NR1H3: variants seen among roughly 807,000 people sequenced by gnomAD.
The protein encoded by NR1H3 is nuclear receptor subfamily 1 group H member 3.
Under a neutral mutation model 48.1 loss-of-function variants are expected in NR1H3, and 19 were observed. That is an observed-to-expected ratio of 0.40 (90% confidence interval 0.28 to 0.58). NR1H3 has a LOEUF of 0.58. NR1H3 is among the 20% of genes least tolerant of loss of function. The pLI is 0.50. For synonymous variants in NR1H3, 232 were observed against 227.3 expected (o/e 1.02, Z -0.19); for missense variants, 486 against 595.9 (o/e 0.82, Z 1.92).
chr11:47,254,176 G>A (rs895318272), upstream of NR1H3, among the ~76,000 whole-genome samples: 1 of 152,194 alleles, frequency 6.6e-6, no homozygotes, highest in Non-Finnish European at 1.5e-5. Flanking sequence ...GATGGGGCTC[G>A]TATGTGGTCC....
At chr11:47,260,748 G>A in intron 4 of NR1H3, 73 bp downstream of exon 4, 7 of 1,493,864 alleles carry the variant, frequency 4.7e-6, no homozygotes, top group Non-Finnish European at 5.4e-6. Flanking sequence ...CAAAACAGGT[G>A]CCTGAACTTG....
At position 47,268,311 on chromosome 11, in the gene NR1H3, T is replaced by G; in HGVS notation, c.1153T>G (p.Tyr385Asp). Residue 385 changes from tyrosine to aspartate, a missense_variant, in exon 9 of 10, where the codon TAT (tyrosine) becomes GAT (aspartate). Tyr to Asp is a radical substitution (Grantham distance 160). Transcript: ENST00000441012. ...CCAGGTAGAGAGGCTGCAGCACACA[T>G]ATGTGGAAGCCCTGCATGCCTACGT... is the stretch of plus-strand genomic sequence containing the variant. ...QLQVERLQHT[Y>D]VEALHAYVSI... is the part of the protein sequence containing the mutation. The G allele has an allele frequency of 1.2e-6, 2 of 1,614,072 alleles. No individual in the cohort carries two copies. Among genetic ancestry groups the G allele is most frequent in the Non-Finnish European group, 1.7e-6 (2 of 1,180,006 alleles).
At chr11:47,255,253 G>GCCA, upstream of NR1H3, among the ~76,000 whole-genome samples, 1 of 152,244 alleles carries the variant, frequency 6.6e-6, no homozygotes. Context: ...TCCCAGCCCA[G>GCCA]CCACTAACTG....
chr11:47,249,656 C>T (rs1954454542), intron 1 of NR1H3, among the ~76,000 whole-genome samples: 2 of 152,090 alleles, frequency 1.3e-5, no homozygotes, highest in Admixed American at 1.3e-4. Flanking sequence ...TGGCATTGAC[C>T]ATTAGGATTC....
At chr11:47,267,832 C>T (rs1956950509) in intron 7 of NR1H3, 81 bp from the exon 8 acceptor site, 1 of 1,002,222 alleles carries the variant, frequency 1.0e-6, no homozygotes, top group Non-Finnish European at 1.6e-6. Context: ...TAGTGAGTTC[C>T]TAATAGTTCC....
At chr11:47,257,562 A>T, upstream of NR1H3, 1 of 712,634 alleles carries the variant, frequency 1.4e-6, no homozygotes, top group Non-Finnish European at 1.7e-6. Flanking sequence ...GCAAGGGAGG[A>T]GGAGGGAGGC....
chr11:47,250,563 A>G (rs1233009266), intron 1 of NR1H3: 1 of 152,238 alleles, frequency 6.6e-6, no homozygotes, highest in East Asian at 1.9e-4. Flanking sequence ...TAAGAGCCAA[A>G]GCCTGGGTAG....
In NR1H3 at chr11:47,259,020, T is replaced by C. The variant is rs544587007; in HGVS notation, c.-37-160T>C. On this transcript the variant is annotated intron_variant, in intron 1 of 9. Coordinates refer to ENST00000441012, the MANE Select transcript of NR1H3 (RefSeq NM_005693.4). ...AGGGAGAACCTGTCTCTAAAAAACA[T>C]AATAGTAATATAATAAAGCCTTAGT... is the stretch of plus-strand genomic sequence containing the variant. 39 of 1,303,042 alleles carry C rather than the reference T, an allele frequency of 3.0e-5. 1 individual carries two copies. The African/African-American group carries it at 4.0e-4, about 13-fold the overall frequency. 80.7% of individuals were successfully genotyped at this position (1,303,042 alleles called of 1,614,324 possible). A position where few individuals can be genotyped will look rare whatever the true frequency, so the allele number is the denominator to read the frequency against.
intron 4 of NR1H3, among the ~76,000 whole-genome samples, 200 bp from the exon 5 acceptor site, chr11:47,261,041 T>C (rs574689487): frequency 3.0e-4 from 45 of 151,466 alleles, no homozygotes; most frequent in Middle Eastern, 3.4e-3. Context: ...GCCAAGATCA[T>C]GCCACTGCAC....
upstream of NR1H3, among the ~76,000 whole-genome samples, chr11:47,255,583 TTCTTTCTTTCTTTCTC>T (rs1398237155): frequency 4.9e-5 from 4 of 82,468 alleles, no homozygotes; most frequent in African/African-American, 1.9e-4. Flanking sequence ...CTTTCTTTCT[TTCTTTCTTTCTTTCTC>T]TCTCTCTCTC....
At chr11:47,258,982 G>C in intron 1 of NR1H3, 198 bp from the exon 2 acceptor site, 1 of 987,774 alleles carries the variant, frequency 1.0e-6, no homozygotes, top group South Asian at 1.9e-5. Context: ...TCCTAGACTA[G>C]CCTGGGCAAA....
upstream of NR1H3, chr11:47,257,882 C>T (rs372431358): frequency 1.4e-3 from 1,343 of 964,108 alleles, 12 homozygotes; most frequent in African/African-American, 0.022. Context: ...GCCCTGTGGG[C>T]GGGGGTGAGG....
At chr11:47,266,401 ATC>A (rs1956472469) in intron 7 of NR1H3, among the ~76,000 whole-genome samples, 1 of 151,494 alleles carries the variant, frequency 6.6e-6, no homozygotes, top group South Asian at 2.1e-4. Flanking sequence ...AAGTAGAACA[ATC>A]TCGGCTCACT....
upstream of NR1H3, among the ~76,000 whole-genome samples, chr11:47,253,089 G>T (rs1030043133): frequency 4.3e-5 from 6 of 140,738 alleles, no homozygotes; most frequent in African/African-American, 1.6e-4. Flanking sequence ...CCCCCAAGTG[G>T]CTGGGACTAC....
At chr11:47,251,933 A>G (rs991012258) in intron 1 of NR1H3, among the ~76,000 whole-genome samples, 1 of 152,196 alleles carries the variant, frequency 6.6e-6, no homozygotes, top group Non-Finnish European at 1.5e-5. Context: ...TGGGGATTAC[A>G]GCGCAAGTAG....
intron 1 of NR1H3, chr11:47,258,885 C>T: frequency 3.1e-6 from 1 of 326,398 alleles, no homozygotes; most frequent in Non-Finnish European, 5.7e-6. Flanking sequence ...CACATAAAGC[C>T]TTATAACAGG....
chr11:47,261,281 G>A lies in NR1H3; in HGVS notation c.540G>A (p.Lys180=). Reference sequence around the variant, plus strand: ...AACAGATCCGCCTGAAGAAACTGAAGCGGCAAGAGGAGGAACAGGCTCATG... The same window carrying A: ...AACAGATCCGCCTGAAGAAACTGAAACGGCAAGAGGAGGAACAGGCTCATG... ...SEEQIRLKKL[K]RQEEEQAHAT... is the part of the protein sequence containing the mutation. Residue 180 remains lysine, a synonymous_variant, in exon 5 of 10, where the codon AAG becomes AAA. Coordinates refer to ENST00000441012, the MANE Select transcript of NR1H3 (RefSeq NM_005693.4). The A allele has an allele frequency of 6.2e-7, 1 of 1,612,386 alleles. No homozygotes were observed. Among genetic ancestry groups the A allele is most frequent in the Non-Finnish European group, 8.5e-7 (1 of 1,179,668 alleles).
chr11:47,258,944 G>C, intron 1 of NR1H3: 1 of 585,528 alleles, frequency 1.7e-6, no homozygotes, highest in South Asian at 2.4e-5. Flanking sequence ...GGGAGGCCCA[G>C]GTGAGAGGAT....
At chr11:47,255,613 CTCTCTTTCTT>C (rs1278132218), upstream of NR1H3, among the ~76,000 whole-genome samples, 507 of 111,396 alleles carry the variant, frequency 4.6e-3, 6 homozygotes, top group East Asian at 0.015. Context: ...CTCTCTCTCT[CTCTCTTTCTT>C]TCTTTCTTTC....
Sources: allele counts gnomAD v4.1 joint callset (sites outside exome capture counted in the v4.1 genomes callset), GRCh38; gene constraint gnomAD v4.1.1; transcripts MANE v1.5; gene names NCBI Gene and HGNC (gene_info 2026-07-23, HGNC 2026-07-21).